WWOX: variants seen among roughly 807,000 people sequenced by gnomAD.
WWOX encodes WW domain-containing oxidoreductase.
Under a neutral mutation model 46.2 loss-of-function variants are expected in WWOX, and 69 were observed. That is an observed-to-expected ratio of 1.49 (90% CI 1.23 to 1.82). The LOEUF is 1.82. Ranked by LOEUF, WWOX falls within the 40% of genes most tolerant of loss-of-function variation. The probability of loss-of-function intolerance (pLI) is 0.00; values close to 1 mark genes in which losing one functional copy is unlikely to be tolerated. For synonymous variants in WWOX, 359 were observed against 202.6 expected, an observed-to-expected ratio of 1.77 and a Z score of -6.56; for missense variants, 919 against 542.6, an observed-to-expected ratio of 1.69 and a Z score of -6.89.
intron 8 of WWOX, chr16:78,526,645 G>C (rs1410953279): frequency 6.6e-6 from 1 of 152,274 alleles, no homozygotes; most frequent in Non-Finnish European, 1.5e-5. Context: ...TTTTCTCTCA[G>C]TCACCAGCCC....
chr16:78,202,732 C>G (rs1337115145), intron 5 of WWOX, among the ~76,000 whole-genome samples: 2 of 151,792 alleles, frequency 1.3e-5, no homozygotes, highest in Non-Finnish European at 2.9e-5. Flanking sequence ...TTCTCTGTCT[C>G]TGTACTGTGT....
At chr16:78,412,233 G>C (rs1004506193) in intron 6 of WWOX, among the ~76,000 whole-genome samples, 1 of 152,134 alleles carries the variant, frequency 6.6e-6, no homozygotes, top group Admixed American at 6.5e-5. Context: ...TTGTAATCAG[G>C]TGACTGGTTT....
chr16:78,207,996 A>G (rs575040838), intron 5 of WWOX, among the ~76,000 whole-genome samples: 1 of 152,182 alleles, frequency 6.6e-6, no homozygotes, highest in Non-Finnish European at 1.5e-5. Flanking sequence ...TATTTTTAGT[A>G]GAGACAGGGT....
At chr16:79,097,761 A>G (rs1017602251) in intron 8 of WWOX, among the ~76,000 whole-genome samples, 1 of 152,222 alleles carries the variant, frequency 6.6e-6, no homozygotes, top group Non-Finnish European at 1.5e-5. Context: ...ATGTTGGCAC[A>G]GGGCATAAGA....
At chr16:78,639,855 C>T (rs1196688489) in intron 8 of WWOX, among the ~76,000 whole-genome samples, 1 of 152,132 alleles carries the variant, frequency 6.6e-6, no homozygotes, top group Non-Finnish European at 1.5e-5. Flanking sequence ...TGTGAGCCAC[C>T]ATGCTAGGCC....
intron 5 of WWOX, among the ~76,000 whole-genome samples, chr16:78,381,479 G>T (rs1370152372): frequency 6.6e-6 from 1 of 152,208 alleles, no homozygotes. Flanking sequence ...GGGAGCAAGT[G>T]GGCTTCTGAG....
chr16:78,775,686 A>G (rs1446267727), intron 8 of WWOX, among the ~76,000 whole-genome samples: 1 of 152,188 alleles, frequency 6.6e-6, no homozygotes, highest in Non-Finnish European at 1.5e-5. Flanking sequence ...TGGTGCGAGC[A>G]ATGGTTCACA....
At chr16:78,829,014 C>G (rs929874959) in intron 8 of WWOX, among the ~76,000 whole-genome samples, 3 of 152,178 alleles carry the variant, frequency 2.0e-5, no homozygotes, top group Non-Finnish European at 4.4e-5. Flanking sequence ...GACTTCTTCT[C>G]CTTGCCATTC....
intron 8 of WWOX, among the ~76,000 whole-genome samples, chr16:78,995,903 C>A (rs980184717): frequency 6.6e-6 from 1 of 152,080 alleles, no homozygotes; most frequent in Non-Finnish European, 1.5e-5. Context: ...CATTTCCAAA[C>A]GATTTTGCGT....
In WWOX at chr16:78,977,197, T is replaced by A. The variant is rs984440493; in HGVS notation, c.1057-234411T>A. ...CAAGTGTTTGTTTTGAACCACTTAT[T>A]TTGGCAAGACTTCTTCAGACAGGAG... On this transcript the variant is annotated intron_variant, in intron 8 of 8. Coordinates refer to ENST00000566780, the MANE Select transcript of WWOX (RefSeq NM_016373.4). 2.0e-5 allele frequency among the ~76,000 whole-genome samples: 3 copies of A among 152,300 alleles called. No individual in the cohort carries two copies. In the South Asian group the frequency reaches 6.2e-4, roughly 32 times the overall value.
chr16:78,695,710 C>G lies in WWOX; in HGVS notation c.1056+262958C>G, dbSNP rs145640713. ...GGAATGGATCAAAGGAATGAAGGAT[C>G]AAGTTGTCAGCCAAGAGAACCAAGA... On this transcript the variant is annotated intron_variant, in intron 8 of 8. Coordinates refer to ENST00000566780, the MANE Select transcript of WWOX (RefSeq NM_016373.4). Among the ~76,000 whole-genome samples the G allele has an allele frequency of 5.9e-5, 9 of 152,300 alleles. No individual in the cohort carries two copies. The East Asian group carries it at 1.7e-3, about 29-fold the overall frequency.
In WWOX at chr16:78,115,139, G is replaced by A. The variant is rs895495868; in HGVS notation, c.394G>A (p.Ala132Thr). Residue 132 changes from alanine to threonine, a missense_variant, in exon 4 of 9, where the codon GCT becomes ACT. Coordinates refer to ENST00000566780, the MANE Select transcript of WWOX (RefSeq NM_016373.4). ...TGGCAAAGTGGTTGTGGTCACTGGA[G>A]CTAATTCAGGAATAGGTAGGCTCTT... The part of the protein sequence containing the change: ...FTGKVVVVTG[A>T]NSGIGFETAK... 1.9e-6 allele frequency: 3 copies of A among 1,614,194 alleles called. No homozygotes were observed. Among genetic ancestry groups the A allele is most frequent in the Admixed American group, 1.7e-5 (1 of 60,022 alleles).
chr16:78,202,118 C>A (rs1278455271), intron 5 of WWOX, among the ~76,000 whole-genome samples: 1 of 152,164 alleles, frequency 6.6e-6, no homozygotes, highest in Non-Finnish European at 1.5e-5. Context: ...TGAAAACCTG[C>A]TAAATAAGGG....
At chr16:79,150,189 G>C (rs1013567240) in intron 8 of WWOX, among the ~76,000 whole-genome samples, 1 of 152,186 alleles carries the variant, frequency 6.6e-6, no homozygotes. Context: ...CTTCTTGTTA[G>C]AGGTAGAAGA....
At chr16:78,458,831 G>A (rs1039435577) in intron 8 of WWOX, among the ~76,000 whole-genome samples, 2 of 152,054 alleles carry the variant, frequency 1.3e-5, no homozygotes, top group Non-Finnish European at 2.9e-5. Flanking sequence ...GAATTAGCAT[G>A]TAGAGGTTGG....
At chr16:78,133,650 C>G (rs1190683698) in intron 4 of WWOX, among the ~76,000 whole-genome samples, 1 of 152,212 alleles carries the variant, frequency 6.6e-6, no homozygotes, top group Non-Finnish European at 1.5e-5. Flanking sequence ...CCCGCCTCGG[C>G]CTCCCAAAGT....
intron 8 of WWOX, among the ~76,000 whole-genome samples, chr16:78,466,403 A>G (rs7185271): frequency 0.026 from 3,989 of 152,306 alleles, 190 homozygotes; most frequent in African/African-American, 0.092. Flanking sequence ...AACACTGTCA[A>G]TGTACTAAAT....
intron 8 of WWOX, among the ~76,000 whole-genome samples, chr16:78,925,008 A>T (rs1025878112): frequency 2.6e-5 from 4 of 152,202 alleles, no homozygotes; most frequent in Non-Finnish European, 5.9e-5. Context: ...CAGCCTGGGC[A>T]ACATGGCAAA....
intron 5 of WWOX, among the ~76,000 whole-genome samples, chr16:78,231,735 C>T (rs115976088): frequency 7.5e-4 from 114 of 152,226 alleles, no homozygotes; most frequent in African/African-American, 2.4e-3. Context: ...GAACAAAATA[C>T]GAACTTAAGG....
Sources: gnomAD v4.1 joint callset for allele counts (sites outside exome capture counted in the v4.1 genomes callset) on GRCh38, gnomAD v4.1.1 for gene constraint, MANE v1.5 for transcripts, NCBI Gene and HGNC (gene_info 2026-07-23, HGNC 2026-07-21) for gene names.